GEM: variants seen among roughly 807,000 people sequenced by gnomAD.
GEM encodes GTP binding protein overexpressed in skeletal muscle.
GEM carries 31 observed loss-of-function variants against 33.0 expected under a neutral mutation model. The ratio of observed to expected loss-of-function variants is 0.94; its 90% CI spans 0.71 to 1.27. The LOEUF is 1.27. Ranked by LOEUF, GEM falls within the 50% of genes most tolerant of loss-of-function variation. The pLI, the probability that GEM is intolerant of heterozygous loss-of-function variation, is 0.00. For synonymous variants in GEM, 141 were observed against 143.7 expected (o/e 0.98, Z 0.13); for missense variants, 354 against 390.5 (o/e 0.91, Z 0.79).
intron 2 of GEM, among the ~76,000 whole-genome samples, chr8:94,255,992 C>A (rs1410838439): frequency 6.6e-6 from 1 of 152,206 alleles, no homozygotes; most frequent in East Asian, 1.9e-4. Flanking sequence ...ATCCTCTTCT[C>A]TACCCGGCCT....
intron 1 of GEM, 121 bp downstream of exon 1, chr8:94,261,969 A>G (rs1378403441): frequency 6.6e-6 from 1 of 152,172 alleles, no homozygotes; most frequent in Admixed American, 6.5e-5. Flanking sequence ...ATAAAGCATC[A>G]TTAAGGGCTG....
rs775511173 is a variant in GEM, at chr8:94,260,436, C to T, written c.68G>A (p.Ser23Asn). 6.2e-6 allele frequency: 10 copies of T among 1,613,708 alleles called. No individual in the cohort carries two copies. Among genetic ancestry groups the T allele is most frequent in the African/African-American group, 1.3e-5 (1 of 75,054 alleles). ...VGMQPQQQRW[S>N]IPADGRHLMV... Reference sequence around the variant, plus strand: ...CAGATGCCTGCCATCAGCTGGGATGCTCCAGCGCTGCTGCTGTGGCTGCAT... The same window carrying T: ...CAGATGCCTGCCATCAGCTGGGATGTTCCAGCGCTGCTGCTGTGGCTGCAT... The change falls in exon 2 of 5, where the codon AGC (serine) becomes AAC (asparagine). Residue 23 changes from serine (S) to asparagine (N), a missense_variant. Ser to Asn is a conservative substitution (Grantham distance 46). Coordinates refer to ENST00000297596, the MANE Select transcript of GEM (RefSeq NM_005261.4).
chr8:94,252,086 C>G lies in GEM; in HGVS notation c.546G>C (p.Glu182Asp). 2 of 1,614,180 alleles carry G rather than the reference C, an allele frequency of 1.2e-6. No individual in the cohort carries two copies. The highest frequency in any genetic ancestry group is 2.2e-5 in the South Asian group (2 of 91,084). Residue 182 changes from glutamate (E) to aspartate (D), a missense_variant, in exon 4 of 5, where the codon GAG (glutamate) becomes GAC (aspartate). Physicochemically the swap from Glu to Asp is conservative, Grantham distance 45 (BLOSUM62 2). Coordinates refer to ENST00000297596, the MANE Select transcript of GEM (RefSeq NM_005261.4). ...TGCCAACCAAAATTATGGGAATGTC[C>G]TCTGTCTGCCGGGCCCTGCGGAGCT... is the stretch of plus-strand genomic sequence containing the variant. ...RIQLRRARQT[E>D]DIPIILVGNK...
intron 2 of GEM, among the ~76,000 whole-genome samples, chr8:94,257,361 T>C (rs369720705): frequency 1.9e-3 from 295 of 152,060 alleles, no homozygotes; most frequent in Non-Finnish European, 3.1e-3. Flanking sequence ...TTTGTATTTT[T>C]AGTAGAGATG....
chr8:94,260,393 G>A lies in GEM; in HGVS notation c.111C>T (p.Pro37=), dbSNP rs1283081780. ...DGRHLMVQKE[P]HQYSHRNRHS... is the part of the protein sequence containing the mutation. ...GGCGGTTGCGGTGGCTGTACTGGTG[G>A]GGCTCTTTCTGGACCATCAGATGCC... is the stretch of plus-strand genomic sequence containing the variant. The change falls in exon 2 of 5, where the codon CCC becomes CCT. Residue 37 remains proline (P), a synonymous_variant. Transcript: ENST00000297596. 6.2e-7 allele frequency: 1 copy of A among 1,614,010 alleles called. No homozygotes were observed. Among genetic ancestry groups the A allele is most frequent in the East Asian group, 2.2e-5 (1 of 44,868 alleles).
At position 94,254,579 on chromosome 8, in the gene GEM, G is replaced by A. The variant is rs575792617; in HGVS notation, c.332-1467C>T. Among the ~76,000 whole-genome samples the A allele has an allele frequency of 1.6e-4, 24 of 152,330 alleles. No individual in the cohort carries two copies. In the East Asian group the frequency reaches 4.6e-3, roughly 29 times the overall value. ...GCCATTATCACTTCTTCAGGTGAAG[G>A]AAGCTGGTTCTTGCCATACTCAGCA... On this transcript the variant is annotated intron_variant, in intron 2 of 4. Coordinates refer to ENST00000297596, the MANE Select transcript of GEM (RefSeq NM_005261.4).
rs1419756804 is a variant in GEM at position 94,249,861 on chromosome 8, A to G, written c.*449T>C. ...TAGTTCTACAATTCTAGCTCCATGGATCTTAGATTCGTAGAAAGTTTTCCC... is the reference window on the plus strand; with the variant it reads ...TAGTTCTACAATTCTAGCTCCATGGGTCTTAGATTCGTAGAAAGTTTTCCC... On this transcript the variant is annotated 3_prime_UTR_variant, in exon 5 of 5. Transcript: ENST00000297596. 2 of 154,344 alleles carry G rather than the reference A, an allele frequency of 1.3e-5. No homozygotes were observed. The highest frequency in any genetic ancestry group is 4.8e-5 in the African/African-American group (2 of 41,442). 9.6% of individuals were successfully genotyped at this position (154,344 alleles called of 1,614,324 possible). A position where few individuals can be genotyped will look rare whatever the true frequency, so the allele number is the denominator to read the frequency against.
At chr8:94,255,453 C>T (rs1808870068) in intron 2 of GEM, among the ~76,000 whole-genome samples, 1 of 152,212 alleles carries the variant, frequency 6.6e-6, no homozygotes, top group Admixed American at 6.5e-5. Flanking sequence ...CCACTTTACC[C>T]CCCACCCCAG....
At chr8:94,252,264 T>C (rs1289677447) in intron 3 of GEM, 41 bp from the exon 4 acceptor site, 10 of 1,324,194 alleles carry the variant, frequency 7.6e-6, no homozygotes, top group Middle Eastern at 2.3e-4. Context: ...CAGTTAGGCC[T>C]GGGGAATAAA....
chr8:94,259,152 C>T (rs1808962382), intron 2 of GEM, among the ~76,000 whole-genome samples: 1 of 152,160 alleles, frequency 6.6e-6, no homozygotes, highest in African/African-American at 2.4e-5. Context: ...TGAGCTGCCT[C>T]ATGAGGCAGT....
At chr8:94,253,357 G>C (rs1269224312) in intron 2 of GEM, among the ~76,000 whole-genome samples, 1 of 152,160 alleles carries the variant, frequency 6.6e-6, no homozygotes, top group Non-Finnish European at 1.5e-5. Context: ...AAACCACATG[G>C]AGTAAAAGGC....
rs1808710393 is a variant in GEM at position 94,249,263 on chromosome 8, T to G, written c.*1047A>C. ...TCAATCAAGAATGCCTTTTTTCAAA[T>G]ATTTTATTTCTTTTATTATAAGACA... On this transcript the variant is annotated 3_prime_UTR_variant, in exon 5 of 5. Transcript: ENST00000297596. 1 of 152,248 alleles carries G rather than the reference T, an allele frequency of 6.6e-6. No individual in the cohort carries two copies. Among genetic ancestry groups the G allele is most frequent in the Non-Finnish European group, 1.5e-5 (1 of 68,036 alleles). 9.4% of individuals were successfully genotyped at this position (152,248 alleles called of 1,614,324 possible).
intron 1 of GEM, 69 bp from the exon 2 acceptor site, chr8:94,260,581 T>G (rs1809000957): frequency 2.5e-6 from 2 of 786,394 alleles, no homozygotes; most frequent in Non-Finnish European, 2.0e-6. Flanking sequence ...AAATACATGG[T>G]CAGTCATCAG....
At chr8:94,257,996 T>C (rs1808932753) in intron 2 of GEM, among the ~76,000 whole-genome samples, 1 of 152,140 alleles carries the variant, frequency 6.6e-6, no homozygotes. Context: ...TCTCTCATGA[T>C]TGAACCCAAA....
rs1260850801 is a variant in GEM at position 94,260,504 on chromosome 8, C to T, written c.-1G>A. 4.4e-6 allele frequency: 7 copies of T among 1,587,398 alleles called. No individual in the cohort carries two copies. The highest frequency in any genetic ancestry group is 1.7e-5 in the Admixed American group (1 of 59,414). The stretch of plus-strand genomic sequence containing the variant: ...GCATGGTGACATTATTCAGAGTCAT[C>T]GTTGAGTCCTGGGGAGCAAAGCAGC... On this transcript the variant is annotated 5_prime_UTR_variant, in exon 2 of 5. Transcript: ENST00000297596.
chr8:94,254,493 G>C (rs1808845767), intron 2 of GEM, among the ~76,000 whole-genome samples: 1 of 152,064 alleles, frequency 6.6e-6, no homozygotes, highest in Non-Finnish European at 1.5e-5. Context: ...TCACACCTTA[G>C]GGCTATGTGA....
intron 2 of GEM, among the ~76,000 whole-genome samples, chr8:94,254,036 C>A (rs1475093422): frequency 6.6e-6 from 1 of 152,082 alleles, no homozygotes; most frequent in African/African-American, 2.4e-5. Flanking sequence ...TGTCTAGAAT[C>A]TTTTCCCTCA....
chr8:94,257,763 A>AG (rs1173393841), intron 2 of GEM, among the ~76,000 whole-genome samples: 212 of 152,322 alleles, frequency 1.4e-3, no homozygotes, highest in African/African-American at 4.5e-3. Context: ...ACAGAGAGTC[A>AG]TAAGATTACT....
intron 2 of GEM, among the ~76,000 whole-genome samples, chr8:94,257,020 C>G (rs1742602996): frequency 6.6e-6 from 1 of 152,168 alleles, no homozygotes; most frequent in East Asian, 1.9e-4. Flanking sequence ...AAACCCCAAG[C>G]CCAATGAGAC....
Sources: allele counts gnomAD v4.1 joint callset (sites outside exome capture counted in the v4.1 genomes callset), GRCh38; gene constraint gnomAD v4.1.1; transcripts MANE v1.5; gene names NCBI Gene and HGNC (gene_info 2026-07-23, HGNC 2026-07-21).